The following FBXO10 variants were observed in gnomAD, a reference collection of about 807,000 sequenced individuals.
FBXO10 encodes the protein F-box protein 10.
A neutral mutation model predicts 80.7 loss-of-function variants in FBXO10; 39 were observed. That is an observed-to-expected ratio of 0.48 (90% confidence interval 0.37 to 0.63). The LOEUF (loss-of-function observed/expected upper bound fraction) is 0.63. Among genes scored for constraint, FBXO10 ranks in the 30% least tolerant of loss-of-function variants. FBXO10 has a pLI of 0.00. For synonymous variants in FBXO10, 449 were observed against 489.6 expected, an observed-to-expected ratio of 0.92 and a Z score of 1.09; for missense variants, 1,025 against 1,269.0, an observed-to-expected ratio of 0.81 and a Z score of 2.92.
rs1821043606 is a variant in FBXO10 at position 37,511,135 on chromosome 9, A to G, written c.*1412T>C. ...TCTACCCCCTCCCATCCCACCCAAC[A>G]GAGCAGCACCTAGGGCCAATAGAAC... is the stretch of plus-strand genomic sequence containing the variant. On this transcript the variant is annotated 3_prime_UTR_variant, in exon 11 of 11. Coordinates refer to ENST00000432825, the MANE Select transcript of FBXO10 (RefSeq NM_012166.3). 1 of 151,366 alleles carries G rather than the reference A, an allele frequency of 6.6e-6. No homozygotes were observed. Among genetic ancestry groups the G allele is most frequent in the Non-Finnish European group, 1.5e-5 (1 of 67,800 alleles). The allele number at this position is 151,366 out of a possible 1,614,324, so 9.4% of individuals were successfully genotyped here.
chr9:37,543,528 C>G (rs1468424623), intron 1 of FBXO10, among the ~76,000 whole-genome samples: 2 of 152,104 alleles, frequency 1.3e-5, no homozygotes, highest in African/African-American at 2.4e-5. Context: ...AGCTGATCTA[C>G]ATTGAGAAAA....
chr9:37,554,557 C>T (rs1389986296), intron 1 of FBXO10, among the ~76,000 whole-genome samples: 1 of 152,182 alleles, frequency 6.6e-6, no homozygotes, highest in Non-Finnish European at 1.5e-5. Flanking sequence ...ACTCTTCCAT[C>T]AAGTTCCACC....
chr9:37,523,041 A>T, intron 6 of FBXO10, 64 bp from the exon 7 acceptor site: 1 of 1,547,398 alleles, frequency 6.5e-7, no homozygotes, highest in African/African-American at 1.4e-5. Flanking sequence ...GGCAAATAGG[A>T]CTTGGACAGT....
At chr9:37,560,022 G>A (rs1013627883) in intron 1 of FBXO10, among the ~76,000 whole-genome samples, 3 of 152,172 alleles carry the variant, frequency 2.0e-5, no homozygotes, top group African/African-American at 7.2e-5. Flanking sequence ...CCCAGGTGGT[G>A]TCAGTTCTGA....
chr9:37,547,841 C>T (rs1175803104), intron 1 of FBXO10, among the ~76,000 whole-genome samples: 1 of 152,002 alleles, frequency 6.6e-6, no homozygotes, highest in African/African-American at 2.4e-5. Context: ...ACCTGTAGTC[C>T]AAGCTACTCG....
At chr9:37,563,808 C>T (rs4878699) in intron 1 of FBXO10, among the ~76,000 whole-genome samples, 122,103 of 152,232 alleles carry the variant, frequency 0.8, 49,123 homozygotes, top group East Asian at 1. Flanking sequence ...GAGATCATTT[C>T]GGAATTTTAA....
chr9:37,522,064 G>C (rs1312168999), intron 7 of FBXO10, among the ~76,000 whole-genome samples: 1 of 152,232 alleles, frequency 6.6e-6, no homozygotes, highest in Non-Finnish European at 1.5e-5. Flanking sequence ...CACACAGTGT[G>C]AAAGTGCTCT....
At chr9:37,571,640 G>C (rs184890563) in intron 1 of FBXO10, among the ~76,000 whole-genome samples, 1 of 145,134 alleles carries the variant, frequency 6.9e-6, no homozygotes, top group East Asian at 2.0e-4. Flanking sequence ...ACTTGAACAA[G>C]AATCTCTATT....
intron 8 of FBXO10, among the ~76,000 whole-genome samples, chr9:37,521,196 G>A (rs16934260): frequency 0.015 from 2,269 of 152,276 alleles, 53 homozygotes; most frequent in African/African-American, 0.052. Flanking sequence ...GTTGGGATCA[G>A]TCTGCAGAAG....
chr9:37,535,054 G>A (rs977298327), intron 3 of FBXO10, among the ~76,000 whole-genome samples: 3 of 152,162 alleles, frequency 2.0e-5, no homozygotes, highest in African/African-American at 7.2e-5. Context: ...AGCGGAGATC[G>A]CCTCTGAGCA....
intron 1 of FBXO10, among the ~76,000 whole-genome samples, chr9:37,563,101 G>A (rs1412303992): frequency 6.6e-6 from 1 of 152,128 alleles, no homozygotes; most frequent in Non-Finnish European, 1.5e-5. Flanking sequence ...TAGTGAGTGA[G>A]TCTCACAAGA....
chr9:37,572,145 G>A (rs1588866210), intron 1 of FBXO10, among the ~76,000 whole-genome samples: 3 of 151,982 alleles, frequency 2.0e-5, no homozygotes, highest in Admixed American at 2.0e-4. Context: ...AGAAAAAAGT[G>A]CTCAACCTCA....
chr9:37,538,073 G>T, intron 2 of FBXO10, 130 bp from the exon 3 acceptor site: 1 of 704,158 alleles, frequency 1.4e-6, no homozygotes. Flanking sequence ...CCCCACTGGG[G>T]TCTGGATGTC....
intron 1 of FBXO10, among the ~76,000 whole-genome samples, chr9:37,549,008 A>G (rs1822126076): frequency 6.6e-6 from 1 of 152,124 alleles, no homozygotes. Context: ...TCGGCCTCCC[A>G]AAGTGCTGGG....
At chr9:37,560,394 G>A (rs565196525) in intron 1 of FBXO10, among the ~76,000 whole-genome samples, 3 of 152,178 alleles carry the variant, frequency 2.0e-5, no homozygotes, top group South Asian at 4.2e-4. Context: ...GCCTCTCAGG[G>A]GAAGGGGGAT....
chr9:37,516,187 A>C, intron 9 of FBXO10, 102 bp from the exon 10 acceptor site: 2 of 1,321,746 alleles, frequency 1.5e-6, no homozygotes, highest in Non-Finnish European at 2.0e-6. Flanking sequence ...AGGCAGGAAC[A>C]TGCCAGGCAG....
At chr9:37,529,609 G>C (rs1821565509) in intron 4 of FBXO10, among the ~76,000 whole-genome samples, 1 of 152,136 alleles carries the variant, frequency 6.6e-6, no homozygotes, top group Admixed American at 6.5e-5. Context: ...TAACTTCTAG[G>C]GTCCAGGGAG....
At chr9:37,531,445 A>C (rs1345557693) in intron 4 of FBXO10, among the ~76,000 whole-genome samples, 1 of 152,246 alleles carries the variant, frequency 6.6e-6, no homozygotes, top group African/African-American at 2.4e-5. Flanking sequence ...ACACGGGTAG[A>C]AAATCAAACT....
intron 1 of FBXO10, among the ~76,000 whole-genome samples, chr9:37,570,179 C>T (rs968937431): frequency 1.1e-4 from 17 of 151,954 alleles, no homozygotes; most frequent in African/African-American, 3.4e-4. Context: ...GGCATGGTGG[C>T]GCATGCATGC....
Sources: gnomAD v4.1 joint callset for allele counts (sites outside exome capture counted in the v4.1 genomes callset) on GRCh38, gnomAD v4.1.1 for gene constraint, MANE v1.5 for transcripts, NCBI Gene and HGNC (gene_info 2026-07-23, HGNC 2026-07-21) for gene names.